MBD5: variants seen among roughly 807,000 people sequenced by gnomAD.
MBD5 encodes the protein methyl-CpG-binding domain protein 5.
Under a neutral mutation model 117.3 loss-of-function variants are expected in MBD5, and 13 were observed. The ratio of observed to expected loss-of-function variants is 0.11; its 90% CI spans 0.07 to 0.18. The LOEUF is 0.18. MBD5 is among the 10% of genes least tolerant of loss of function. MBD5 has a pLI of 1.00. For missense variants in MBD5, 1,879 were observed against 2,093.8 expected, an observed-to-expected ratio of 0.90 and a Z score of 2.00; for synonymous variants, 727 against 766.4, an observed-to-expected ratio of 0.95 and a Z score of 0.85.
chr2:148,083,744 C>T (rs1695708297), intron 1 of MBD5, among the ~76,000 whole-genome samples: 1 of 152,122 alleles, frequency 6.6e-6, no homozygotes, highest in African/African-American at 2.4e-5. Context: ...TCTCCTGCCT[C>T]AGCCTCCTGA....
chr2:148,078,052 T>C (rs1422158909), intron 1 of MBD5, among the ~76,000 whole-genome samples: 1 of 152,302 alleles, frequency 6.6e-6, no homozygotes, highest in East Asian at 1.9e-4. Flanking sequence ...TAGATGGCCT[T>C]GGTAAAGGAC....
At chr2:148,032,868 C>T (rs1217386711) in intron 1 of MBD5, among the ~76,000 whole-genome samples, 1 of 151,626 alleles carries the variant, frequency 6.6e-6, no homozygotes, top group African/African-American at 2.4e-5. Context: ...AACGTAGTGT[C>T]ATAAATATAA....
chr2:148,048,773 C>T (rs1694612619), intron 1 of MBD5, among the ~76,000 whole-genome samples: 2 of 152,104 alleles, frequency 1.3e-5, no homozygotes, highest in South Asian at 2.1e-4. Context: ...AGGGGAAACT[C>T]TGTGGTTGAA....
At chr2:148,033,006 A>G (rs1444406002) in intron 1 of MBD5, among the ~76,000 whole-genome samples, 1 of 152,320 alleles carries the variant, frequency 6.6e-6, no homozygotes, top group Non-Finnish European at 1.5e-5. Context: ...CTTCAAGTGC[A>G]TTAGGCTGGT....
At chr2:148,143,178 A>G (rs998519296) in intron 1 of MBD5, among the ~76,000 whole-genome samples, 1 of 152,248 alleles carries the variant, frequency 6.6e-6, no homozygotes, top group Non-Finnish European at 1.5e-5. Context: ...GTGCAACTTT[A>G]AACAACGTAC....
At chr2:148,080,311 A>G (rs1695617854) in intron 1 of MBD5, among the ~76,000 whole-genome samples, 2 of 152,188 alleles carry the variant, frequency 1.3e-5, no homozygotes, top group Non-Finnish European at 2.9e-5. Flanking sequence ...AATTCATTAT[A>G]TTTCATATTT....
chr2:148,260,762 A>G (rs1028258604), intron 3 of MBD5: 5 of 157,066 alleles, frequency 3.2e-5, no homozygotes, highest in Admixed American at 6.4e-5. Flanking sequence ...AAGGTTTTCT[A>G]TTTACTTTGC....
At chr2:148,273,617 C>A (rs1701035938) in intron 3 of MBD5, among the ~76,000 whole-genome samples, 1 of 152,090 alleles carries the variant, frequency 6.6e-6, no homozygotes. Flanking sequence ...ATTTCATCCC[C>A]AACCCAACCA....
intron 2 of MBD5, among the ~76,000 whole-genome samples, chr2:148,217,854 C>T (rs1042076548): frequency 6.6e-6 from 1 of 152,052 alleles, no homozygotes; most frequent in Admixed American, 6.6e-5. Flanking sequence ...TCCACCCTCA[C>T]GGAGTTGTCA....
chr2:148,229,339 T>A (rs1292426112), intron 2 of MBD5, among the ~76,000 whole-genome samples: 1 of 152,138 alleles, frequency 6.6e-6, no homozygotes, highest in Non-Finnish European at 1.5e-5. Context: ...GCTTGATTCT[T>A]TGTAATTATT....
chr2:148,081,169 G>A (rs1453355343), intron 1 of MBD5, among the ~76,000 whole-genome samples: 1 of 152,164 alleles, frequency 6.6e-6, no homozygotes, highest in Non-Finnish European at 1.5e-5. Flanking sequence ...AAATTTTAAT[G>A]TAAAAGGGTC....
At chr2:148,047,427 T>C (rs558177030) in intron 1 of MBD5, among the ~76,000 whole-genome samples, 3 of 152,302 alleles carry the variant, frequency 2.0e-5, no homozygotes, top group South Asian at 2.1e-4. Context: ...AAAAGGATCA[T>C]GGGCAATGGC....
intron 3 of MBD5, among the ~76,000 whole-genome samples, chr2:148,336,575 T>C (rs1274666021): frequency 6.6e-6 from 1 of 152,026 alleles, no homozygotes; most frequent in African/African-American, 2.4e-5. Flanking sequence ...TTGGTAGAGA[T>C]GGGGTTTTGC....
At chr2:148,086,855 C>T (rs1416756736) in intron 1 of MBD5, among the ~76,000 whole-genome samples, 1 of 152,202 alleles carries the variant, frequency 6.6e-6, no homozygotes. Context: ...TCTGTCTTTA[C>T]TACCTCGCCT....
chr2:148,484,996 TTAAA>T (rs1313374564), intron 9 of MBD5: 2 of 152,198 alleles, frequency 1.3e-5, no homozygotes, highest in African/African-American at 2.4e-5. Context: ...ATCTTTGTAG[TTAAA>T]TAAACTACGA....
At chr2:148,040,689 T>C (rs1694331342) in intron 1 of MBD5, among the ~76,000 whole-genome samples, 1 of 152,166 alleles carries the variant, frequency 6.6e-6, no homozygotes, top group Non-Finnish European at 1.5e-5. Context: ...GTGTATCCAT[T>C]AATTTATTTT....
intron 7 of MBD5, among the ~76,000 whole-genome samples, chr2:148,466,737 A>G (rs140686770): frequency 2.7e-4 from 41 of 152,256 alleles, no homozygotes; most frequent in African/African-American, 8.9e-4. Flanking sequence ...AACTTTTCAT[A>G]TATTATATCC....
intron 2 of MBD5, among the ~76,000 whole-genome samples, chr2:148,224,368 G>A (rs1376415885): frequency 6.6e-6 from 1 of 151,932 alleles, no homozygotes; most frequent in African/African-American, 2.4e-5. Context: ...TTTTGAGATG[G>A]AGTCTCGCTC....
chr2:148,185,970 T>C (rs1698647074), intron 2 of MBD5, among the ~76,000 whole-genome samples: 2 of 152,250 alleles, frequency 1.3e-5, no homozygotes. Flanking sequence ...TTTGCGTATC[T>C]CTGTTATAAA....
Sources: gnomAD v4.1 joint callset for allele counts (sites outside exome capture counted in the v4.1 genomes callset) on GRCh38, gnomAD v4.1.1 for gene constraint, MANE v1.5 for transcripts, NCBI Gene and HGNC (gene_info 2026-07-23, HGNC 2026-07-21) for gene names.